ATXN3: variants seen among roughly 807,000 people sequenced by gnomAD.
ATXN3 encodes the protein ataxin-3.
A neutral mutation model predicts 58.2 loss-of-function variants in ATXN3; 28 were observed. The ratio of observed to expected loss-of-function variants is 0.48; its 90% CI spans 0.36 to 0.66. The LOEUF (loss-of-function observed/expected upper bound fraction) is 0.66, where lower values mean the gene tolerates loss of function less well. Among genes scored for constraint, ATXN3 ranks in the 30% least tolerant of loss-of-function variants. The pLI, the probability that ATXN3 is intolerant of heterozygous loss-of-function variation, is 0.00. For synonymous variants in ATXN3, 113 were observed against 138.5 expected (o/e 0.82, Z 1.29); for missense variants, 321 against 422.1 (o/e 0.76, Z 2.10).
chr14:92,072,164 T>C (rs1303538943), intron 9 of ATXN3, among the ~76,000 whole-genome samples: 1 of 152,186 alleles, frequency 6.6e-6, no homozygotes, highest in African/African-American at 2.4e-5. Flanking sequence ...AAATCCCCAT[T>C]TTAAAATGTT....
chr14:92,076,291 C>CA (rs960362811), intron 9 of ATXN3, among the ~76,000 whole-genome samples: 26 of 151,744 alleles, frequency 1.7e-4, no homozygotes, highest in African/African-American at 6.0e-4. Context: ...ACTAAAAATA[C>CA]AAAAAAATTA....
rs189531839 is a variant in ATXN3 at position 92,105,848 on chromosome 14, G to C, written c.24+681C>G. On this transcript the variant is annotated intron_variant, in intron 1 of 10. Coordinates refer to ENST00000644486, the MANE Select transcript of ATXN3 (RefSeq NM_004993.6). ...AAAACAAAGCTGGCCGCCTGCTCCG[G>C]AAAGATGGGAGTACCAAAAGAAACC... 3.3e-5 allele frequency among the ~76,000 whole-genome samples: 5 copies of C among 152,314 alleles called. No homozygotes were observed. In the East Asian group the frequency reaches 7.7e-4, roughly 23 times the overall value.
At chr14:92,064,565 T>C (rs2058037633) in intron 10 of ATXN3, 151 bp from the exon 11 acceptor site, 1 of 604,688 alleles carries the variant, frequency 1.7e-6, no homozygotes, top group South Asian at 2.2e-5. Context: ...TTTATAGTTC[T>C]ATATATTTTG....
At chr14:92,105,638 G>T (rs1400542502) in intron 1 of ATXN3, among the ~76,000 whole-genome samples, 1 of 152,140 alleles carries the variant, frequency 6.6e-6, no homozygotes, top group Non-Finnish European at 1.5e-5. Context: ...ATGATACCAT[G>T]TGCCAAAGCT....
intron 5 of ATXN3, among the ~76,000 whole-genome samples, chr14:92,089,475 A>T (rs937597612): frequency 6.6e-6 from 1 of 150,556 alleles, no homozygotes; most frequent in East Asian, 2.0e-4. Flanking sequence ...AGTAGCTGGG[A>T]CTACAGGCGC....
chr14:92,086,328 C>T (rs772184438), intron 6 of ATXN3, among the ~76,000 whole-genome samples: 3 of 151,174 alleles, frequency 2.0e-5, no homozygotes, highest in African/African-American at 2.4e-5. Context: ...TTTAGGGGGC[C>T]GAGGTGGGCG....
chr14:92,089,086 G>A (rs912689780), intron 5 of ATXN3, among the ~76,000 whole-genome samples: 6 of 150,998 alleles, frequency 4.0e-5, no homozygotes, highest in Non-Finnish European at 5.9e-5. Flanking sequence ...GCATGATCTC[G>A]GATCACTGCA....
intron 2 of ATXN3, among the ~76,000 whole-genome samples, chr14:92,047,513 A>T (rs2057432979): frequency 6.6e-6 from 1 of 152,028 alleles, no homozygotes; most frequent in Non-Finnish European, 1.5e-5. Context: ...TGGGTGTTTG[A>T]TCGGTTGCCA....
chr14:92,069,738 A>G (rs1394732043), intron 10 of ATXN3, among the ~76,000 whole-genome samples: 1 of 152,214 alleles, frequency 6.6e-6, no homozygotes, highest in African/African-American at 2.4e-5. Flanking sequence ...TTATATATAC[A>G]TGATTGGGAC....
At chr14:92,091,274 A>G (rs1007690204) in intron 5 of ATXN3, among the ~76,000 whole-genome samples, 5 of 152,062 alleles carry the variant, frequency 3.3e-5, no homozygotes, top group African/African-American at 1.2e-4. Context: ...AACATGGCGA[A>G]ACCCCGTCTC....
intron 5 of ATXN3, among the ~76,000 whole-genome samples, chr14:92,089,480 A>G (rs1404193519): frequency 6.6e-6 from 1 of 151,524 alleles, no homozygotes; most frequent in East Asian, 1.9e-4. Flanking sequence ...CTGGGACTAC[A>G]GGCGCACGCC....
intron 1 of ATXN3, among the ~76,000 whole-genome samples, chr14:92,100,194 A>G (rs2066452157): frequency 6.6e-6 from 1 of 152,198 alleles, no homozygotes; most frequent in Non-Finnish European, 1.5e-5. Context: ...ACCAATAATA[A>G]CTAATAATTA....
At chr14:92,049,455 G>A (rs75913545) in intron 1 of ATXN3, 2,829 of 152,732 alleles carry the variant, frequency 0.019, 52 homozygotes, top group South Asian at 0.08. Context: ...CGTGACCAGC[G>A]CCGGAATTTT....
intron 5 of ATXN3, among the ~76,000 whole-genome samples, chr14:92,091,843 G>A (rs943452889): frequency 6.5e-4 from 98 of 150,506 alleles, no homozygotes; most frequent in African/African-American, 2.2e-3. Flanking sequence ...GCATCACCAC[G>A]CCTAGCCAAT....
In ATXN3 at chr14:92,076,823, G is replaced by A. The variant is rs368412477; in HGVS notation, c.872+4142C>T. ...GGCATGGAGGCACTTGCCTGTAACC[G>A]CAGCTACTTGGGAGGCTGAGGCAGA... On this transcript the variant is annotated intron_variant, in intron 9 of 10. Transcript: ENST00000644486. Among the ~76,000 whole-genome samples, 814 of 149,576 alleles carry A rather than the reference G, an allele frequency of 5.4e-3. 9 individuals are homozygous for A. Among genetic ancestry groups the A allele is most frequent in the African/African-American group, 0.019 (780 of 40,740 alleles).
At chr14:92,098,977 G>A (rs185408452) in intron 1 of ATXN3, among the ~76,000 whole-genome samples, 5 of 152,266 alleles carry the variant, frequency 3.3e-5, no homozygotes, top group Admixed American at 3.3e-4. Flanking sequence ...AGTAGCCTGC[G>A]TGTGACCCTC....
At chr14:92,092,637 G>T (rs1566967446) in intron 5 of ATXN3, among the ~76,000 whole-genome samples, 1 of 152,000 alleles carries the variant, frequency 6.6e-6, no homozygotes, top group Non-Finnish European at 1.5e-5. Context: ...CCACTTAAAA[G>T]TAACCACATT....
chr14:92,076,811 T>C (rs1487487112), intron 9 of ATXN3, among the ~76,000 whole-genome samples: 1 of 151,032 alleles, frequency 6.6e-6, no homozygotes, highest in Non-Finnish European at 1.5e-5. Flanking sequence ...ATGGAGGCAC[T>C]TGCCTGTAAC....
chr14:92,092,505 C>A (rs1468113553), intron 5 of ATXN3, among the ~76,000 whole-genome samples: 1 of 152,174 alleles, frequency 6.6e-6, no homozygotes, highest in Non-Finnish European at 1.5e-5. Flanking sequence ...TACACTAAAG[C>A]AAACATAATT....
Sources: allele counts gnomAD v4.1 joint callset (sites outside exome capture counted in the v4.1 genomes callset), GRCh38; gene constraint gnomAD v4.1.1; transcripts MANE v1.5; gene names NCBI Gene and HGNC (gene_info 2026-07-23, HGNC 2026-07-21).